Variants in PLPP4 observed in about 807,000 individuals in gnomAD.
PLPP4 encodes the protein phospholipid phosphatase 4.
In PLPP4, 20 loss-of-function variants were observed where a neutral mutation model predicts 32.2. That is an observed-to-expected ratio of 0.62 (90% CI 0.44 to 0.90). The LOEUF (loss-of-function observed/expected upper bound fraction) is 0.90. PLPP4 is among the 40% of genes least tolerant of loss of function. The pLI is 0.00. For synonymous variants in PLPP4, 127 were observed against 133.0 expected, an observed-to-expected ratio of 0.95 and a Z score of 0.31; for missense variants, 257 against 353.1, an observed-to-expected ratio of 0.73 and a Z score of 2.18.
At chr10:120,574,645 G>A (rs1275354345) in intron 5 of PLPP4, among the ~76,000 whole-genome samples, 2 of 152,194 alleles carry the variant, frequency 1.3e-5, no homozygotes, top group Admixed American at 1.3e-4. Flanking sequence ...ACCTGGGGCT[G>A]ATCCTAGCCC....
At chr10:120,552,411 G>T (rs1436617365) in intron 5 of PLPP4, among the ~76,000 whole-genome samples, 1 of 152,066 alleles carries the variant, frequency 6.6e-6, no homozygotes, top group Non-Finnish European at 1.5e-5. Context: ...AATCAGGGTG[G>T]TATATCATCA....
At chr10:120,579,913 C>G (rs1398012444) in intron 6 of PLPP4, among the ~76,000 whole-genome samples, 6 of 150,192 alleles carry the variant, frequency 4.0e-5, no homozygotes, top group Admixed American at 3.3e-4. Flanking sequence ...AGAGACCATC[C>G]TGGCTAACAT....
At chr10:120,528,097 C>T (rs77776454) in intron 5 of PLPP4, among the ~76,000 whole-genome samples, 11,841 of 75,622 alleles carry the variant, frequency 0.16, 669 homozygotes, top group Non-Finnish European at 0.19. Flanking sequence ...TTTTTTGAGG[C>T]GGAGTCTCAC....
intron 6 of PLPP4, among the ~76,000 whole-genome samples, chr10:120,586,300 T>TTA (rs771140075): frequency 1.0e-4 from 2 of 20,066 alleles, no homozygotes; most frequent in Non-Finnish European, 3.5e-4. Context: ...CACCTGGCTA[T>TTA]TTTTTTTTTT....
intron 6 of PLPP4, 92 bp from the exon 7 acceptor site, chr10:120,589,211 A>G: frequency 7.8e-7 from 1 of 1,281,716 alleles, no homozygotes; most frequent in Non-Finnish European, 1.1e-6. Flanking sequence ...CAGGTCCTAG[A>G]ACAGGAAGGA....
At chr10:120,550,463 AG>A (rs1483943955) in intron 5 of PLPP4, among the ~76,000 whole-genome samples, 3 of 151,932 alleles carry the variant, frequency 2.0e-5, no homozygotes, top group African/African-American at 4.8e-5. Flanking sequence ...CAAAGGACCT[AG>A]GATAGCCGAA....
At chr10:120,521,387 T>C (rs1221875325) in intron 5 of PLPP4, among the ~76,000 whole-genome samples, 1 of 152,216 alleles carries the variant, frequency 6.6e-6, no homozygotes, top group African/African-American at 2.4e-5. Flanking sequence ...GGGAATTCTC[T>C]ACGCTCCCTG....
rs570130306 is a variant in PLPP4, at chr10:120,484,082, G to T, written c.57-19736G>T. ...CAGCAATGAGCAAGTATCTGTATAAGTGCTACAGGAAATTTCAAATGTGAT... is the reference window on the plus strand; with the variant it reads ...CAGCAATGAGCAAGTATCTGTATAATTGCTACAGGAAATTTCAAATGTGAT... On this transcript the variant is annotated intron_variant, in intron 1 of 6. Transcript: ENST00000398250. Among the ~76,000 whole-genome samples, 15 of 152,356 alleles carry T rather than the reference G, an allele frequency of 9.8e-5. No homozygotes were observed. The South Asian group carries it at 1.9e-3, about 19-fold the overall frequency.
At chr10:120,475,170 AATG>A (rs1378384663) in intron 1 of PLPP4, among the ~76,000 whole-genome samples, 1 of 152,084 alleles carries the variant, frequency 6.6e-6, no homozygotes, top group Non-Finnish European at 1.5e-5. Context: ...CCCCAGCATG[AATG>A]ATGTTATACC....
In PLPP4 at chr10:120,484,569, C is replaced by T. The variant is rs118003977; in HGVS notation, c.57-19249C>T. ...GCAATAATGGCATTAATTCATTCAA[C>T]GGGGCAAAGCCCTTATGGCCTAATT... is the stretch of plus-strand genomic sequence containing the variant. On this transcript the variant is annotated intron_variant, in intron 1 of 6. Coordinates refer to ENST00000398250, the MANE Select transcript of PLPP4 (RefSeq NM_001030059.3). 1.1e-3 allele frequency among the ~76,000 whole-genome samples: 171 copies of T among 152,280 alleles called. 1 individual carries two copies. The highest frequency in any genetic ancestry group is 7.5e-3 in the East Asian group (39 of 5,184).
intron 6 of PLPP4, among the ~76,000 whole-genome samples, chr10:120,583,154 G>A (rs1290939537): frequency 6.6e-6 from 1 of 151,866 alleles, no homozygotes; most frequent in African/African-American, 2.4e-5. Flanking sequence ...AGTGATGTTG[G>A]AGGCTGCCTT....
intron 5 of PLPP4, among the ~76,000 whole-genome samples, chr10:120,565,612 G>A (rs1279435124): frequency 6.6e-6 from 1 of 151,848 alleles, no homozygotes; most frequent in Admixed American, 6.6e-5. Context: ...TTCTCTTTTT[G>A]TGTTGTAAAG....
intron 5 of PLPP4, among the ~76,000 whole-genome samples, chr10:120,547,935 A>T (rs1261682034): frequency 6.6e-6 from 1 of 152,182 alleles, no homozygotes; most frequent in East Asian, 1.9e-4. Context: ...TGAGGGTTAT[A>T]TCATGAAACT....
chr10:120,574,488 A>G (rs1297108500), intron 5 of PLPP4, among the ~76,000 whole-genome samples: 1 of 152,166 alleles, frequency 6.6e-6, no homozygotes, highest in Non-Finnish European at 1.5e-5. Context: ...TGTCTTTGCA[A>G]TTCAGAAAAA....
intron 1 of PLPP4, 90 bp downstream of exon 1, chr10:120,457,451 G>T (rs1847839033): frequency 3.3e-6 from 4 of 1,199,900 alleles, no homozygotes; most frequent in Admixed American, 2.3e-5. Context: ...TTGCGCAGCC[G>T]CTTCCCACTG....
At chr10:120,558,980 A>G (rs1018841862) in intron 5 of PLPP4, among the ~76,000 whole-genome samples, 4 of 152,210 alleles carry the variant, frequency 2.6e-5, no homozygotes, top group Non-Finnish European at 5.9e-5. Flanking sequence ...GCAAGTTATG[A>G]AAATTCCCAT....
chr10:120,481,948 A>T (rs1844226080), intron 1 of PLPP4, among the ~76,000 whole-genome samples: 1 of 152,172 alleles, frequency 6.6e-6, no homozygotes, highest in Non-Finnish European at 1.5e-5. Context: ...TTCCCACACA[A>T]GCTCTCTCTT....
intron 6 of PLPP4, chr10:120,587,223 C>T (rs1849806484): frequency 6.6e-6 from 1 of 152,274 alleles, no homozygotes; most frequent in Non-Finnish European, 1.5e-5. Flanking sequence ...GGGATGCAGC[C>T]TTGAATGACA....
intron 1 of PLPP4, among the ~76,000 whole-genome samples, chr10:120,478,340 C>T (rs1215049014): frequency 6.6e-6 from 1 of 152,194 alleles, no homozygotes; most frequent in Non-Finnish European, 1.5e-5. Flanking sequence ...GGCACATCTT[C>T]CAGGAAGGGA....
Sources: allele counts gnomAD v4.1 joint callset (sites outside exome capture counted in the v4.1 genomes callset), GRCh38; gene constraint gnomAD v4.1.1; transcripts MANE v1.5; gene names NCBI Gene and HGNC (gene_info 2026-07-23, HGNC 2026-07-21).